Variants in ATP8A2 observed in about 807,000 individuals in gnomAD.
ATP8A2 encodes ATPase phospholipid transporting 8A2.
ATP8A2 carries 100 observed loss-of-function variants against 165.6 expected under a neutral mutation model. The ratio of observed to expected loss-of-function variants is 0.60; its 90% CI spans 0.51 to 0.71. The LOEUF is 0.71. Ranked by LOEUF, ATP8A2 falls within the 30% of genes least tolerant of loss-of-function variation. The pLI is 0.00. For missense variants in ATP8A2, 1,227 were observed against 1,479.5 expected, an observed-to-expected ratio of 0.83 and a Z score of 2.80; for synonymous variants, 543 against 548.8, an observed-to-expected ratio of 0.99 and a Z score of 0.15.
intron 24 of ATP8A2, among the ~76,000 whole-genome samples, chr13:25,684,924 T>G (rs1224180196): frequency 6.6e-6 from 1 of 152,220 alleles, no homozygotes; most frequent in Non-Finnish European, 1.5e-5. Flanking sequence ...AGTCTTGGGC[T>G]TATTACATTT....
chr13:25,906,933 G>GAA (rs1953954309), intron 33 of ATP8A2, among the ~76,000 whole-genome samples: 1 of 152,180 alleles, frequency 6.6e-6, no homozygotes, highest in Admixed American at 6.5e-5. Context: ...TCCAACAAAT[G>GAA]ATAGCTTTGA....
At chr13:25,791,399 T>G (rs1268318989) in intron 27 of ATP8A2, among the ~76,000 whole-genome samples, 1 of 150,020 alleles carries the variant, frequency 6.7e-6, no homozygotes, top group African/African-American at 2.5e-5. Context: ...AGGATGGGAG[T>G]AGGGAGAGGA....
chr13:25,978,508 C>G (rs1956109175), intron 35 of ATP8A2, among the ~76,000 whole-genome samples: 1 of 152,198 alleles, frequency 6.6e-6, no homozygotes, highest in African/African-American at 2.4e-5. Flanking sequence ...CAATGAGCCT[C>G]TCCCTAAATT....
At chr13:25,421,360 G>T (rs1018666248) in intron 1 of ATP8A2, among the ~76,000 whole-genome samples, 3 of 152,044 alleles carry the variant, frequency 2.0e-5, no homozygotes, top group African/African-American at 4.8e-5. Context: ...TTACAGTCAG[G>T]GTCTCTCTCT....
In ATP8A2 at chr13:25,473,885, TC is replaced by T. The variant is rs530820084; in HGVS notation, c.221+4769del. Among the ~76,000 whole-genome samples the T allele has an allele frequency of 4.4e-4, 67 of 152,282 alleles. No individual in the cohort carries two copies. The South Asian group carries it at 6.6e-3, about 15-fold the overall frequency. ...AATGTTTAAAGTTAAAATGTTTTTT[TC>T]CCCCAGAAAAATCTTGAAATAATGT... is the stretch of plus-strand genomic sequence containing the variant. On this transcript the variant is annotated intron_variant, in intron 2 of 36. Coordinates refer to ENST00000381655, the MANE Select transcript of ATP8A2 (RefSeq NM_016529.6).
At chr13:25,761,908 A>T (rs182036974) in intron 25 of ATP8A2, among the ~76,000 whole-genome samples, 61 of 152,074 alleles carry the variant, frequency 4.0e-4, no homozygotes, top group African/African-American at 1.5e-3. Flanking sequence ...CTTAGGTGTT[A>T]GCTTTTCCCA....
At chr13:25,725,005 C>A (rs2043462197) in intron 25 of ATP8A2, among the ~76,000 whole-genome samples, 1 of 152,142 alleles carries the variant, frequency 6.6e-6, no homozygotes. Flanking sequence ...GTAAATGTCA[C>A]CCTAGATAGG....
At chr13:25,761,862 C>G (rs2044386039) in intron 25 of ATP8A2, among the ~76,000 whole-genome samples, 1 of 151,636 alleles carries the variant, frequency 6.6e-6, no homozygotes, top group African/African-American at 2.4e-5. Flanking sequence ...ATAGTTGAAG[C>G]ATTATGATCT....
intron 2 of ATP8A2, among the ~76,000 whole-genome samples, chr13:25,500,489 G>A (rs1375454980): frequency 6.6e-6 from 1 of 152,246 alleles, no homozygotes; most frequent in Non-Finnish European, 1.5e-5. Flanking sequence ...ATTGTGTGGA[G>A]TGCTCATACA....
intron 1 of ATP8A2, among the ~76,000 whole-genome samples, chr13:25,456,204 C>T (rs1033678825): frequency 2.0e-5 from 3 of 152,222 alleles, no homozygotes; most frequent in Non-Finnish European, 4.4e-5. Flanking sequence ...TTAAATCTCT[C>T]CAACCAATCA....
chr13:25,560,424 G>T (rs898033815), intron 15 of ATP8A2, among the ~76,000 whole-genome samples: 4 of 151,836 alleles, frequency 2.6e-5, no homozygotes, highest in Admixed American at 1.3e-4. Flanking sequence ...TTTAGGACAG[G>T]TGTGGTGGCT....
chr13:25,772,860 A>G (rs1224585517), intron 26 of ATP8A2, among the ~76,000 whole-genome samples: 5 of 151,932 alleles, frequency 3.3e-5, no homozygotes. Context: ...CCTGGGTTCA[A>G]GTGATTGTCC....
chr13:25,453,218 C>T (rs1054002163), intron 1 of ATP8A2, among the ~76,000 whole-genome samples: 25 of 151,486 alleles, frequency 1.7e-4, no homozygotes, highest in African/African-American at 5.8e-4. Context: ...CCTCCACCTC[C>T]TGGGTTCAAA....
intron 36 of ATP8A2, 45 bp downstream of exon 36, chr13:26,012,667 C>A: frequency 1.2e-5 from 11 of 940,516 alleles, no homozygotes; most frequent in Non-Finnish European, 1.5e-5. Context: ...GGTGTCGGTG[C>A]GGGGCGGGGG....
chr13:25,582,164 A>G (rs935390764), intron 23 of ATP8A2, among the ~76,000 whole-genome samples: 1 of 152,252 alleles, frequency 6.6e-6, no homozygotes, highest in Non-Finnish European at 1.5e-5. Context: ...TAGTTCCTGG[A>G]AAAGAATTAG....
chr13:25,775,673 A>G (rs1346229323), intron 27 of ATP8A2, among the ~76,000 whole-genome samples: 4 of 152,180 alleles, frequency 2.6e-5, no homozygotes, highest in African/African-American at 9.7e-5. Flanking sequence ...GCCCTGCTAT[A>G]AAGGGGGTGG....
At chr13:25,509,564 G>A (rs1478606104) in intron 2 of ATP8A2, among the ~76,000 whole-genome samples, 2 of 152,004 alleles carry the variant, frequency 1.3e-5, no homozygotes, top group African/African-American at 2.4e-5. Context: ...CAGCCTTCAT[G>A]AATGTGTAAT....
At chr13:25,507,174 G>A (rs1251083718) in intron 2 of ATP8A2, among the ~76,000 whole-genome samples, 1 of 151,526 alleles carries the variant, frequency 6.6e-6, no homozygotes, top group Non-Finnish European at 1.5e-5. Flanking sequence ...ATTGAAGAGT[G>A]ATATCTCAGT....
rs1174228381 is a variant in ATP8A2, at chr13:25,468,826, C to G, written c.77-151C>G. ...TGCCGCGGCACAGGCGGCGGCGTCT[C>G]CAGGGGGAGCCAAGGTACGTAGGCG... On this transcript the variant is annotated intron_variant, in intron 1 of 36. Transcript: ENST00000381655. 6.9e-6 allele frequency: 9 copies of G among 1,297,742 alleles called. No individual in the cohort carries two copies. The East Asian group carries it at 1.3e-4, about 18-fold the overall frequency. The allele number at this position is 1,297,742 out of a possible 1,614,324, so 80.4% of individuals were successfully genotyped here.
Sources: gnomAD v4.1 joint callset for allele counts (sites outside exome capture counted in the v4.1 genomes callset) on GRCh38, gnomAD v4.1.1 for gene constraint, MANE v1.5 for transcripts, NCBI Gene and HGNC (gene_info 2026-07-23, HGNC 2026-07-21) for gene names.